CAPS2: variants seen among roughly 807,000 people sequenced by gnomAD.
The protein encoded by CAPS2 is calcyphosine 2.
CAPS2 carries 98 observed loss-of-function variants against 86.5 expected under a neutral mutation model. The ratio of observed to expected loss-of-function variants is 1.13; its 90% CI spans 0.96 to 1.34. CAPS2 has a LOEUF of 1.34. Among genes scored for constraint, CAPS2 ranks in the 40% most tolerant of loss-of-function variants. CAPS2 has a pLI of 0.00. For synonymous variants in CAPS2, 210 were observed against 225.1 expected, an observed-to-expected ratio of 0.93 and a Z score of 0.60; for missense variants, 729 against 686.8, an observed-to-expected ratio of 1.06 and a Z score of -0.69.
chr12:75,280,525 T>G (rs535577985), intron 16 of CAPS2, among the ~76,000 whole-genome samples: 1 of 151,778 alleles, frequency 6.6e-6, no homozygotes, highest in Non-Finnish European at 1.5e-5. Flanking sequence ...TGAAGCTATT[T>G]TAGCAACCTA....
At chr12:75,291,525 C>CTATATATA (rs2035892579) in intron 13 of CAPS2, among the ~76,000 whole-genome samples, 1 of 15,796 alleles carries the variant, frequency 6.3e-5, no homozygotes, top group Non-Finnish European at 1.0e-4. Flanking sequence ...ATATATATAG[C>CTATATATA]TTATTTTAAA....
chr12:75,324,603 G>C (rs1321253323), intron 2 of CAPS2, among the ~76,000 whole-genome samples: 1 of 151,938 alleles, frequency 6.6e-6, no homozygotes, highest in Non-Finnish European at 1.5e-5. Flanking sequence ...CTATCACACA[G>C]AACCACATAA....
At position 75,310,569 on chromosome 12, in the gene CAPS2, CTG is replaced by C. The variant is rs140965253; in HGVS notation, c.659+2277_659+2278del. On this transcript the variant is annotated intron_variant, in intron 7 of 16. Coordinates refer to ENST00000393284, the Ensembl canonical transcript of CAPS2. ...AGGTCCAATGGTGGGCTTGGATAGACTGTGTTATTGGCCTGAATTTTTTAGTA... is the reference window on the plus strand; with the variant it reads ...AGGTCCAATGGTGGGCTTGGATAGACTGTTATTGGCCTGAATTTTTTAGTA... Among the ~76,000 whole-genome samples, 694 of 152,218 alleles carry C rather than the reference CTG, an allele frequency of 4.6e-3. 11 individuals are homozygous for C. The highest frequency in any genetic ancestry group is 0.016 in the African/African-American group (665 of 41,522).
chr12:75,305,420 A>T (rs11835831), intron 7 of CAPS2: 55 of 448,748 alleles, frequency 1.2e-4, no homozygotes, highest in African/African-American at 8.1e-4. Context: ...TCCTGGACGC[A>T]GAGGCTCTTG....
exon 17 of CAPS2, chr12:75,278,226 T>C (rs2033250968): frequency 6.1e-6 from 6 of 982,832 alleles, no homozygotes; most frequent in Non-Finnish European, 7.2e-6. Context: ...CATTGTGCTC[T>C]ATTTAACCAA....
chr12:75,296,247 T>C (rs2036851169), intron 11 of CAPS2, among the ~76,000 whole-genome samples: 1 of 152,182 alleles, frequency 6.6e-6, no homozygotes, highest in South Asian at 2.1e-4. Flanking sequence ...GGGTACAGTC[T>C]GTGTCAGTGC....
chr12:75,298,730 C>G (rs2037315878), exon 11 of CAPS2: 1 of 1,614,036 alleles, frequency 6.2e-7, no homozygotes, highest in African/African-American at 1.3e-5. Context: ...TTTTCTTCGT[C>G]CACACTGATG....
chr12:75,300,474 T>G (rs956221890), intron 8 of CAPS2, among the ~76,000 whole-genome samples: 6 of 138,068 alleles, frequency 4.3e-5, no homozygotes, highest in African/African-American at 1.6e-4. Flanking sequence ...GAGAATGGCG[T>G]GAACCCGGGA....
At chr12:75,377,698 C>T (rs950668925) in intron 1 of CAPS2, among the ~76,000 whole-genome samples, 2 of 152,100 alleles carry the variant, frequency 1.3e-5, no homozygotes, top group Non-Finnish European at 2.9e-5. Context: ...TGGTACCTAC[C>T]CACATTGAGG....
intron 1 of CAPS2, among the ~76,000 whole-genome samples, chr12:75,367,268 GA>G (rs35250320): frequency 0.56 from 49,653 of 88,786 alleles, 11,503 homozygotes; most frequent in African/African-American, 0.69. Flanking sequence ...TTCCTAGGAG[GA>G]AAAAAAAAAA....
intron 11 of CAPS2, among the ~76,000 whole-genome samples, chr12:75,294,707 G>A (rs78441396): frequency 0.012 from 1,758 of 152,136 alleles, 8 homozygotes; most frequent in Non-Finnish European, 0.018. Flanking sequence ...ATGGTACCCC[G>A]GAGTCTTCTT....
At chr12:75,304,521 CT>C (rs1186218357) in intron 8 of CAPS2, among the ~76,000 whole-genome samples, 14 of 152,118 alleles carry the variant, frequency 9.2e-5, no homozygotes, top group Middle Eastern at 3.4e-3. Context: ...AAGGTTGTGG[CT>C]TTTTTTCCCC....
chr12:75,314,958 C>A (rs1352974850), intron 6 of CAPS2, among the ~76,000 whole-genome samples: 1 of 152,116 alleles, frequency 6.6e-6, no homozygotes, highest in Non-Finnish European at 1.5e-5. Context: ...GAGATGGACA[C>A]AAAATCCGTA....
chr12:75,303,953 C>T (rs541287624), intron 8 of CAPS2, among the ~76,000 whole-genome samples: 1 of 152,192 alleles, frequency 6.6e-6, no homozygotes, highest in East Asian at 1.9e-4. Flanking sequence ...CTAGAAGCTG[C>T]AAAAGGCAAG....
At chr12:75,312,329 TCA>T (rs1475088862) in intron 7 of CAPS2, among the ~76,000 whole-genome samples, 4 of 152,172 alleles carry the variant, frequency 2.6e-5, no homozygotes, top group African/African-American at 9.7e-5. Context: ...TCAGGGTAGT[TCA>T]CAGTTTCAAC....
chr12:75,308,186 G>A (rs1288209489), intron 7 of CAPS2, among the ~76,000 whole-genome samples: 1 of 152,016 alleles, frequency 6.6e-6, no homozygotes, highest in East Asian at 1.9e-4. Context: ...GTTTGCATAG[G>A]GTGCAACTTT....
At chr12:75,389,142 G>C (rs1247234743) in intron 1 of CAPS2, among the ~76,000 whole-genome samples, 1 of 152,168 alleles carries the variant, frequency 6.6e-6, no homozygotes, top group Non-Finnish European at 1.5e-5. Context: ...TGAGTGAGTT[G>C]ATATTGTCCA....
At chr12:75,308,006 T>C (rs748754032) in intron 7 of CAPS2, among the ~76,000 whole-genome samples, 5 of 152,170 alleles carry the variant, frequency 3.3e-5, no homozygotes, top group Non-Finnish European at 7.4e-5. Flanking sequence ...GGCTACTCCC[T>C]TTGCAACCAC....
At chr12:75,376,318 A>G (rs2044645415) in intron 1 of CAPS2, among the ~76,000 whole-genome samples, 1 of 152,166 alleles carries the variant, frequency 6.6e-6, no homozygotes, top group Admixed American at 6.5e-5. Flanking sequence ...CACACCCTTA[A>G]TATCCATTCC....
Sources: gnomAD v4.1 joint callset for allele counts (sites outside exome capture counted in the v4.1 genomes callset) on GRCh38, gnomAD v4.1.1 for gene constraint, MANE v1.5 for transcripts, NCBI Gene and HGNC (gene_info 2026-07-23, HGNC 2026-07-21) for gene names.